The following SNPH variants were observed in gnomAD, a reference collection of about 807,000 sequenced individuals.
The protein encoded by SNPH is syntaphilin.
A neutral mutation model predicts 36.8 loss-of-function variants in SNPH; 10 were observed. That is an observed-to-expected ratio of 0.27 (90% CI 0.17 to 0.46). SNPH has a LOEUF of 0.46. Ranked by LOEUF, SNPH falls within the 20% of genes least tolerant of loss-of-function variation. The pLI, the probability that SNPH is intolerant of heterozygous loss-of-function variation, is 1.00. For synonymous variants in SNPH, 281 were observed against 312.2 expected, an observed-to-expected ratio of 0.90 and a Z score of 1.05; for missense variants, 622 against 744.0, an observed-to-expected ratio of 0.84 and a Z score of 1.91.
rs1160129894 is a variant in SNPH at position 1,295,954 on chromosome 20, GC to G, written c.-285del. 2.6e-6 allele frequency: 1 copy of G among 391,838 alleles called. No individual in the cohort carries two copies. The highest frequency in any genetic ancestry group is 2.1e-5 in the African/African-American group (1 of 47,848). The allele number at this position is 391,838 out of a possible 1,614,324, so 24.3% of individuals were successfully genotyped here. ...TGAGTATCAGGGTCCTGGGGAAGAA[GC>G]AGGCCTGGCTCGTAGAGTAGAAGAC... On this transcript the variant is annotated 5_prime_UTR_variant, in exon 4 of 7. Transcript: ENST00000381867.
chr20:1,280,208 A>ATG (rs144302427), intron 2 of SNPH, among the ~76,000 whole-genome samples: 51 of 151,998 alleles, frequency 3.4e-4, no homozygotes, highest in African/African-American at 1.1e-3. Context: ...TCACACACAC[A>ATG]TGTGTGTGTG....
At chr20:1,297,664 G>A (rs1460392788) in intron 5 of SNPH, among the ~76,000 whole-genome samples, 1 of 152,188 alleles carries the variant, frequency 6.6e-6, no homozygotes, top group Non-Finnish European at 1.5e-5. Context: ...AGGTGGAAAG[G>A]ACCAAAGCCC....
Position 1,296,257 on chromosome 20 carries a change from C to T in SNPH, c.18C>T (p.Pro6=). The T allele has an allele frequency of 9.7e-6, 15 of 1,538,772 alleles. No homozygotes were observed. Among genetic ancestry groups the T allele is most frequent in the Non-Finnish European group, 1.3e-5 (15 of 1,143,788 alleles). MPGSG[P]SERMTWPGPA... is the part of the protein sequence containing the mutation. ...GAGAAGCCATGCCGGGCAGCGGCCC[C>T]AGCGAGAGGATGACGTGGCCTGGCC... Residue 6 remains proline, a synonymous_variant, in exon 4 of 7, where the codon CCC becomes CCT. Transcript: ENST00000381867.
In SNPH at chr20:1,305,504, G is replaced by A. The variant is rs373195415; in HGVS notation, c.1067G>A (p.Arg356His). ...AGVQASCMQE[R>H]AIQTDFVQYQ... ...GTGCAGGCCAGCTGCATGCAGGAGC[G>A]TGCCATCCAGACAGACTTCGTGCAG... Residue 356 changes from arginine to histidine, a missense_variant, in exon 7 of 7, where the codon CGT becomes CAT. Arg to His is a conservative substitution (Grantham distance 29, BLOSUM62 0). Coordinates refer to ENST00000381867, the MANE Select transcript of SNPH (RefSeq NM_001318234.2). 124 of 1,613,114 alleles carry A rather than the reference G, an allele frequency of 7.7e-5. No homozygotes were observed. The highest frequency in any genetic ancestry group is 9.8e-5 in the Non-Finnish European group (116 of 1,180,000).
chr20:1,275,461 G>A (rs1242427971), intron 2 of SNPH, among the ~76,000 whole-genome samples: 2 of 152,158 alleles, frequency 1.3e-5, no homozygotes, highest in Non-Finnish European at 2.9e-5. Flanking sequence ...GGGGATATGT[G>A]ACCTTATAGC....
chr20:1,296,160 T>A lies in SNPH; in HGVS notation c.-80T>A. On this transcript the variant is annotated 5_prime_UTR_variant, in exon 4 of 7. Transcript: ENST00000381867. ...GTGGGAACCTGTGCACCAGCCCTAT[T>A]CAATTCACTGGTGGAGGCAGCCGTG... 8.0e-7 allele frequency: 1 copy of A among 1,253,136 alleles called. No homozygotes were observed. Among genetic ancestry groups the A allele is most frequent in the Non-Finnish European group, 1.1e-6 (1 of 930,048 alleles). 77.6% of individuals were successfully genotyped at this position (1,253,136 alleles called of 1,614,324 possible).
In SNPH at chr20:1,266,507, G is replaced by A. The variant is rs952236498; in HGVS notation, c.-600+110G>A. 5.9e-6 allele frequency: 7 copies of A among 1,183,592 alleles called. No homozygotes were observed. The highest frequency in any genetic ancestry group is 7.8e-6 in the Non-Finnish European group (7 of 902,960). 73.3% of individuals were successfully genotyped at this position (1,183,592 alleles called of 1,614,324 possible). ...GGTGGGGGCCGCGGGCCGCGAGGAG[G>A]AGGGGACGGAGCACCCGGCAGGCAG... On this transcript the variant is annotated intron_variant, in intron 1 of 6. Transcript: ENST00000381867. This position sits in a 1 kb window ranked among gnomAD's most constrained non-coding sequence, Gnocchi z 6.0.
At chr20:1,281,192 T>C (rs1035948337) in intron 2 of SNPH, among the ~76,000 whole-genome samples, 4 of 151,852 alleles carry the variant, frequency 2.6e-5, no homozygotes, top group South Asian at 2.1e-4. Flanking sequence ...CCCTCAAGAG[T>C]CTACTTCCTA....
Position 1,304,659 on chromosome 20 carries a change from G to A in SNPH, c.441-219G>A, listed in dbSNP as rs2088543918. 1.3e-5 allele frequency among the ~76,000 whole-genome samples: 2 copies of A among 152,082 alleles called. No individual in the cohort carries two copies. The highest frequency in any genetic ancestry group is 2.4e-5 in the African/African-American group (1 of 41,390). On this transcript the variant is annotated intron_variant, in intron 6 of 6. Transcript: ENST00000381867. This position sits in a 1 kb window ranked among gnomAD's most constrained non-coding sequence, Gnocchi z 4.3. ...CCAACCTTTCTTCTCTCTCCAGGCA[G>A]AGGCTTCTCCTGTCTTCACCCCTCA... is the stretch of plus-strand genomic sequence containing the variant.
rs6134520 is a variant in SNPH at position 1,307,579 on chromosome 20, T to C, written c.*1525T>C. On this transcript the variant is annotated 3_prime_UTR_variant, in exon 7 of 7. Transcript: ENST00000381867. ...CGCCCCTCTGGCCTAAGGGCCACTC[T>C]GGTTATCTGCCAAGGTTGCTTGCCC... The C allele has an allele frequency of 0.29, 44,746 of 152,630 alleles. 6,948 individuals carry two copies. Among genetic ancestry groups the C allele is most frequent in the East Asian group, 0.44 (2,286 of 5,170 alleles). The allele number at this position is 152,630 out of a possible 1,614,324, so 9.5% of individuals were successfully genotyped here. A position where few individuals can be genotyped will look rare whatever the true frequency, so the allele number is the denominator to read the frequency against.
intron 2 of SNPH, among the ~76,000 whole-genome samples, chr20:1,290,771 C>G (rs2122358144): frequency 6.6e-6 from 1 of 152,338 alleles, no homozygotes; most frequent in East Asian, 1.9e-4. Flanking sequence ...AACCACCAAA[C>G]TGTTTTCCAT....
At chr20:1,300,977 T>G (rs1221646183) in intron 6 of SNPH, among the ~76,000 whole-genome samples, 1 of 152,266 alleles carries the variant, frequency 6.6e-6, no homozygotes, top group African/African-American at 2.4e-5. Flanking sequence ...GCCTCCTGCC[T>G]GTGCTGTCCT....
chr20:1,304,903 ACG>A lies in SNPH; in HGVS notation c.468_469del (p.Gln157AlafsTer10). On this transcript the variant is annotated frameshift_variant, in exon 7 of 7. Transcript: ENST00000381867. LOFTEE classifies it high-confidence loss of function. The surrounding 1 kb of genome is among the most constrained non-coding windows in gnomAD (Gnocchi z 4.3). ...DRDTEIDDLK[T>X]QLSRMQEDWI... ...GGACACAGAGATTGATGACCTGAAG[ACG>A]CAGCTGTCACGCATGCAGGAGGACT... The A allele has an allele frequency of 6.2e-7, 1 of 1,613,264 alleles. No individual in the cohort carries two copies. The highest frequency in any genetic ancestry group is 8.5e-7 in the Non-Finnish European group (1 of 1,179,978).
chr20:1,290,631 A>G (rs2088349411), intron 2 of SNPH, among the ~76,000 whole-genome samples: 1 of 152,214 alleles, frequency 6.6e-6, no homozygotes, highest in Non-Finnish European at 1.5e-5. Flanking sequence ...AGCTATTAAG[A>G]ATAGTGCTAC....
At position 1,266,726 on chromosome 20, in the gene SNPH, G is replaced by T; in HGVS notation, c.-527G>T. 1.4e-6 allele frequency: 2 copies of T among 1,408,098 alleles called. No individual in the cohort carries two copies. The highest frequency in any genetic ancestry group is 3.2e-5 in the South Asian group (2 of 61,980). 87.2% of individuals were successfully genotyped at this position (1,408,098 alleles called of 1,614,324 possible). A position where few individuals can be genotyped will look rare whatever the true frequency, so the allele number is the denominator to read the frequency against. On this transcript the variant is annotated 5_prime_UTR_variant, in exon 2 of 7. Transcript: ENST00000381867. The surrounding 1 kb of genome is among the most constrained non-coding windows in gnomAD (Gnocchi z 6.0). ...GCGCCAAGCCGGGCCGGAGTGGTGC[G>T]AGCCGGCGGGGCTGCGGAGGGCCAG...
At chr20:1,288,581 C>T (rs2088311306) in intron 2 of SNPH, among the ~76,000 whole-genome samples, 2 of 151,580 alleles carry the variant, frequency 1.3e-5, no homozygotes, top group Non-Finnish European at 2.9e-5. Flanking sequence ...CAGGGAAAGT[C>T]ACTAGTTAGG....
intron 2 of SNPH, among the ~76,000 whole-genome samples, chr20:1,277,038 A>G (rs1273261966): frequency 6.6e-6 from 1 of 152,236 alleles, no homozygotes; most frequent in African/African-American, 2.4e-5. Flanking sequence ...TGGCAAGGGT[A>G]GAAACAAAAT....
rs1367077128 is a variant in SNPH at position 1,291,241 on chromosome 20, C to T, written c.-492-3710C>T. ...TGGCCAAGTTGTGGGTCTGCCTTGCCGCTGTGTTGGGGTTGCCACAACAGT... is the reference window on the plus strand; with the variant it reads ...TGGCCAAGTTGTGGGTCTGCCTTGCTGCTGTGTTGGGGTTGCCACAACAGT... On this transcript the variant is annotated intron_variant, in intron 2 of 6. Coordinates refer to ENST00000381867, the MANE Select transcript of SNPH (RefSeq NM_001318234.2). 6.6e-5 allele frequency among the ~76,000 whole-genome samples: 10 copies of T among 152,216 alleles called. No individual in the cohort carries two copies. In the East Asian group the frequency reaches 7.7e-4, roughly 12 times the overall value.
intron 5 of SNPH, among the ~76,000 whole-genome samples, chr20:1,300,021 CTGCTGTGTGGGGGTG>C: frequency 6.6e-6 from 1 of 152,198 alleles, no homozygotes; most frequent in Admixed American, 6.5e-5. Flanking sequence ...GAGATGTATC[CTGCTGTGTGGGGGTG>C]AGTCCTTGTC....
Sources: gnomAD v4.1 joint callset for allele counts (sites outside exome capture counted in the v4.1 genomes callset) on GRCh38, gnomAD v4.1.1 for gene constraint, Gnocchi (gnomAD v3.1) non-coding constraint, MANE v1.5 for transcripts, NCBI Gene and HGNC (gene_info 2026-07-23, HGNC 2026-07-21) for gene names.